Variants in DCHS2 observed in about 807,000 individuals in gnomAD.
The protein encoded by DCHS2 is protocadherin-23.
Under a neutral mutation model 182.4 loss-of-function variants are expected in DCHS2, and 142 were observed. The observed-to-expected ratio is 0.78, with a 90% confidence interval of 0.68 to 0.89. The LOEUF is 0.89. Ranked by LOEUF, DCHS2 falls within the 40% of genes least tolerant of loss-of-function variation. DCHS2 has a pLI of 0.00. For synonymous variants in DCHS2, 1,740 were observed against 1,663.3 expected (o/e 1.05, Z -1.12); for missense variants, 4,319 against 4,198.6 (o/e 1.03, Z -0.79).
At chr4:154,291,488 G>A (rs1272608075) in intron 13 of DCHS2, among the ~76,000 whole-genome samples, 1 of 152,114 alleles carries the variant, frequency 6.6e-6, no homozygotes, top group Non-Finnish European at 1.5e-5. Flanking sequence ...GAAGATATCT[G>A]CACTTCTATG....
At chr4:154,263,957 C>CT (rs547676564) in intron 14 of DCHS2, among the ~76,000 whole-genome samples, 18 of 147,416 alleles carry the variant, frequency 1.2e-4, no homozygotes, top group African/African-American at 2.5e-4. Flanking sequence ...AGAAGCTTGA[C>CT]TTTTTTTTTT....
intron 13 of DCHS2, among the ~76,000 whole-genome samples, chr4:154,294,373 A>T (rs1417675781): frequency 6.6e-6 from 1 of 152,204 alleles, no homozygotes; most frequent in Admixed American, 6.5e-5. Flanking sequence ...ATAGTTAAAG[A>T]TGTATGAAGC....
intron 1 of DCHS2, among the ~76,000 whole-genome samples, chr4:154,418,969 A>T (rs964258716): frequency 1.3e-5 from 2 of 152,226 alleles, no homozygotes; most frequent in Non-Finnish European, 2.9e-5. Context: ...TTCATATTTG[A>T]CATTTTAAAA....
chr4:154,417,708 A>G (rs987662977), intron 1 of DCHS2, among the ~76,000 whole-genome samples: 10 of 152,224 alleles, frequency 6.6e-5, no homozygotes, highest in East Asian at 1.9e-4. Flanking sequence ...GCCAGGGGGA[A>G]AAAAGTGTCC....
chr4:154,449,416 G>A (rs113124518), intron 1 of DCHS2, among the ~76,000 whole-genome samples: 8 of 151,458 alleles, frequency 5.3e-5, no homozygotes, highest in African/African-American at 1.9e-4. Flanking sequence ...TGTCGCTCAG[G>A]CTGGAGTGCA....
At chr4:154,254,240 C>T (rs1732534795) in intron 16 of DCHS2, among the ~76,000 whole-genome samples, 3 of 152,160 alleles carry the variant, frequency 2.0e-5, no homozygotes, top group Admixed American at 2.0e-4. Context: ...TCTCTTGGAC[C>T]ACAGGCTGCC....
chr4:154,360,186 T>C (rs927429996), intron 3 of DCHS2, among the ~76,000 whole-genome samples: 5 of 152,174 alleles, frequency 3.3e-5, no homozygotes, highest in Admixed American at 6.5e-5. Flanking sequence ...ATATTACATA[T>C]GGAAAAGACA....
At chr4:154,244,424 G>T (rs974746685) in intron 16 of DCHS2, among the ~76,000 whole-genome samples, 1 of 152,160 alleles carries the variant, frequency 6.6e-6, no homozygotes, top group Non-Finnish European at 1.5e-5. Context: ...CTCTGAACAC[G>T]ATGAAGGCTA....
At chr4:154,450,725 T>TG (rs1734496274) in intron 1 of DCHS2, among the ~76,000 whole-genome samples, 1 of 151,802 alleles carries the variant, frequency 6.6e-6, no homozygotes, top group African/African-American at 2.4e-5. Flanking sequence ...CCCAGCTACT[T>TG]GGGAGGCTGA....
intron 1 of DCHS2, among the ~76,000 whole-genome samples, chr4:154,406,483 AT>A (rs1732406108): frequency 6.6e-6 from 1 of 152,132 alleles, no homozygotes; most frequent in Non-Finnish European, 1.5e-5. Flanking sequence ...ATTCTGTCTG[AT>A]TTTATAGTTG....
rs370459330 is a variant in DCHS2, at chr4:154,235,890, G to T, written c.8762C>A (p.Thr2921Asn). The change falls in exon 20 of 20, where the codon ACC becomes AAC. Residue 2921 changes from threonine (T) to asparagine (N), a missense_variant. Physicochemically the swap from Thr to Asn is moderately conservative, Grantham distance 65. Coordinates refer to ENST00000357232, the MANE Select transcript of DCHS2 (RefSeq NM_001358235.2). ...IDGVILYSLG[T>N]SSPFFSVNKT... is the part of the protein sequence containing the mutation. ...ATTTACTGAAAAGAAAGGAGATGAG[G>T]TTCCAAGGGAGTAAAGAATGACTCC... 1 of 1,614,038 alleles carries T rather than the reference G, an allele frequency of 6.2e-7. No individual in the cohort carries two copies. Among genetic ancestry groups the T allele is most frequent in the Non-Finnish European group, 8.5e-7 (1 of 1,179,966 alleles).
At chr4:154,449,607 G>A (rs1159931678) in intron 1 of DCHS2, among the ~76,000 whole-genome samples, 4 of 151,970 alleles carry the variant, frequency 2.6e-5, no homozygotes, top group Non-Finnish European at 5.9e-5. Flanking sequence ...TCCTGGGCTC[G>A]AGCAATACTC....
chr4:154,457,585 C>G (rs1196287550), intron 1 of DCHS2, among the ~76,000 whole-genome samples: 1 of 152,170 alleles, frequency 6.6e-6, no homozygotes, highest in African/African-American at 2.4e-5. Context: ...ACAAGAAAAG[C>G]TTCTACAAAT....
chr4:154,451,113 A>G (rs771180284), intron 1 of DCHS2, among the ~76,000 whole-genome samples: 1 of 152,212 alleles, frequency 6.6e-6, no homozygotes, highest in African/African-American at 2.4e-5. Flanking sequence ...TAACAAGTCC[A>G]GGATGCTATG....
chr4:154,468,095 T>C (rs17031671), intron 1 of DCHS2, among the ~76,000 whole-genome samples: 2,897 of 152,218 alleles, frequency 0.019, 81 homozygotes, highest in African/African-American at 0.064. Flanking sequence ...TTTCTCTGAT[T>C]AGTTGTTTCA....
At chr4:154,317,091 T>TCC (rs1457020508) in intron 9 of DCHS2, among the ~76,000 whole-genome samples, 1 of 152,204 alleles carries the variant, frequency 6.6e-6, no homozygotes, top group Non-Finnish European at 1.5e-5. Context: ...CACAAAAAAC[T>TCC]CACTGTCTTC....
At chr4:154,283,989 G>A (rs1328855762) in intron 13 of DCHS2, among the ~76,000 whole-genome samples, 1 of 152,174 alleles carries the variant, frequency 6.6e-6, no homozygotes, top group Non-Finnish European at 1.5e-5. Flanking sequence ...TTCTATGTGA[G>A]TAATTCTCAA....
chr4:154,365,805 C>A (rs987138818), intron 3 of DCHS2, among the ~76,000 whole-genome samples: 4 of 151,738 alleles, frequency 2.6e-5, no homozygotes. Flanking sequence ...CCCACCACCA[C>A]GTCCGGCTAA....
chr4:154,319,656 TAAAAAAAAA>T (rs59154846), intron 9 of DCHS2, among the ~76,000 whole-genome samples: 1 of 116,942 alleles, frequency 8.6e-6, no homozygotes, highest in Admixed American at 8.8e-5. Flanking sequence ...TGGCTGTTAC[TAAAAAAAAA>T]AAAAAAAAAA....
Sources: allele counts gnomAD v4.1 joint callset (sites outside exome capture counted in the v4.1 genomes callset), GRCh38; gene constraint gnomAD v4.1.1; transcripts MANE v1.5; gene names NCBI Gene and HGNC (gene_info 2026-07-23, HGNC 2026-07-21).